TSPAN18: variants seen among roughly 807,000 people sequenced by gnomAD.
TSPAN18 encodes the protein tetraspanin 18.
In TSPAN18, 14 loss-of-function variants were observed where a neutral mutation model predicts 27.3. The observed-to-expected ratio is 0.51, with a 90% CI of 0.34 to 0.80. TSPAN18 has a LOEUF of 0.80. Among genes scored for constraint, TSPAN18 ranks in the 30% least tolerant of loss-of-function variants. TSPAN18 has a pLI of 0.01. For synonymous variants in TSPAN18, 143 were observed against 136.5 expected, an observed-to-expected ratio of 1.05 and a Z score of -0.33; for missense variants, 268 against 323.9, an observed-to-expected ratio of 0.83 and a Z score of 1.32.
chr11:44,866,316 A>T (rs1176624416), intron 3 of TSPAN18, among the ~76,000 whole-genome samples: 1 of 152,200 alleles, frequency 6.6e-6, no homozygotes, highest in Non-Finnish European at 1.5e-5. Flanking sequence ...TTTGAAAGAC[A>T]TTCAATCCCA....
chr11:44,822,780 A>G (rs1303313445), intron 2 of TSPAN18, among the ~76,000 whole-genome samples: 1 of 152,014 alleles, frequency 6.6e-6, no homozygotes, highest in Non-Finnish European at 1.5e-5. Flanking sequence ...GAAGACCAGG[A>G]CCCTGCTTCT....
intron 1 of TSPAN18, among the ~76,000 whole-genome samples, chr11:44,741,048 A>T (rs1284660818): frequency 6.6e-6 from 1 of 152,176 alleles, no homozygotes; most frequent in Non-Finnish European, 1.5e-5. Context: ...TTTTAACTCC[A>T]GAGCCTCTGG....
In TSPAN18 at chr11:44,926,890, G is replaced by C; in HGVS notation, c.699+133G>C. On this transcript the variant is annotated intron_variant, in intron 9 of 9. Transcript: ENST00000520358. ...AAGGGGCCCCCACTGTGGGTGCTAT[G>C]GGGTGGTAAGCCCGGCTGTGTCTGT... 4 of 852,016 alleles carry C rather than the reference G, an allele frequency of 4.7e-6. No homozygotes were observed. In the South Asian group the frequency reaches 6.0e-5, roughly 13 times the overall value. The allele number at this position is 852,016 out of a possible 1,614,324, so 52.8% of individuals were successfully genotyped here. A position where few individuals can be genotyped will look rare whatever the true frequency, so the allele number is the denominator to read the frequency against.
At chr11:44,800,385 T>C (rs1466758525) in intron 2 of TSPAN18, among the ~76,000 whole-genome samples, 1 of 152,188 alleles carries the variant, frequency 6.6e-6, no homozygotes, top group Non-Finnish European at 1.5e-5. Flanking sequence ...GAGCCTCTTC[T>C]GCCTCACTTA....
At position 44,775,640 on chromosome 11, in the gene TSPAN18, GGCT is replaced by G. The variant is rs369609008; in HGVS notation, c.-153+11132_-153+11134del. On this transcript the variant is annotated intron_variant, in intron 2 of 9. Coordinates refer to ENST00000520358, the MANE Select transcript of TSPAN18 (RefSeq NM_130783.5). ...ATTTGCACTCCTCTTGGGCCTCTGG[GGCT>G]GCTTTCTCCAGCGTCCGCCAGCATC... 2.7e-4 allele frequency among the ~76,000 whole-genome samples: 41 copies of G among 152,240 alleles called. 1 individual carries two copies. In the East Asian group the frequency reaches 4.8e-3, roughly 18 times the overall value.
At chr11:44,741,416 A>G (rs1854929131) in intron 1 of TSPAN18, among the ~76,000 whole-genome samples, 1 of 151,676 alleles carries the variant, frequency 6.6e-6, no homozygotes, top group African/African-American at 2.4e-5. Flanking sequence ...AGCCACTCAC[A>G]AAGGTCTATT....
At chr11:44,755,356 C>A (rs1020668805) in intron 1 of TSPAN18, among the ~76,000 whole-genome samples, 4 of 152,098 alleles carry the variant, frequency 2.6e-5, no homozygotes, top group Admixed American at 6.5e-5. Flanking sequence ...CCCTGAGGCA[C>A]AATTAACCAG....
At chr11:44,734,924 G>T (rs1314746634) in intron 1 of TSPAN18, among the ~76,000 whole-genome samples, 2 of 152,198 alleles carry the variant, frequency 1.3e-5, no homozygotes, top group Non-Finnish European at 2.9e-5. Context: ...TCATTGGTTG[G>T]TGTCTTAGCC....
intron 2 of TSPAN18, among the ~76,000 whole-genome samples, chr11:44,778,489 G>T (rs1346888152): frequency 6.6e-6 from 1 of 152,124 alleles, no homozygotes; most frequent in South Asian, 2.1e-4. Context: ...TAGAAGGAAG[G>T]TGAAGGGCCT....
chr11:44,799,000 CT>C (rs1856414294), intron 2 of TSPAN18, among the ~76,000 whole-genome samples: 1 of 142,612 alleles, frequency 7.0e-6, no homozygotes, highest in Non-Finnish European at 1.5e-5. Context: ...GCCTTTGTGA[CT>C]TTTTGTGTCA....
intron 2 of TSPAN18, among the ~76,000 whole-genome samples, chr11:44,780,336 A>G (rs1855909650): frequency 6.6e-6 from 1 of 152,252 alleles, no homozygotes; most frequent in South Asian, 2.1e-4. Context: ...CCTGGATGCC[A>G]AGCCCAGCAG....
intron 2 of TSPAN18, among the ~76,000 whole-genome samples, chr11:44,821,662 C>A (rs887862895): frequency 1.3e-5 from 2 of 152,172 alleles, no homozygotes; most frequent in Non-Finnish European, 2.9e-5. Context: ...ATATACTTGA[C>A]CCTACTTGGA....
intron 2 of TSPAN18, among the ~76,000 whole-genome samples, chr11:44,775,602 G>T (rs78964124): frequency 0.14 from 20,630 of 151,924 alleles, 1,883 homozygotes; most frequent in Middle Eastern, 0.22. Flanking sequence ...AGTGGCGGGG[G>T]TGGGAGGTGT....
intron 2 of TSPAN18, among the ~76,000 whole-genome samples, chr11:44,814,651 AATCCATCC>A (rs545778262): frequency 6.8e-6 from 1 of 146,550 alleles, no homozygotes; most frequent in African/African-American, 2.6e-5. Flanking sequence ...TTGGTGGTAG[AATCCATCC>A]ATCCATCCAT....
At chr11:44,795,174 G>C (rs1236446113) in intron 2 of TSPAN18, among the ~76,000 whole-genome samples, 1 of 149,480 alleles carries the variant, frequency 6.7e-6, no homozygotes, top group African/African-American at 2.5e-5. Context: ...TTACCACCTG[G>C]GCTCCTTCAA....
intron 3 of TSPAN18, among the ~76,000 whole-genome samples, chr11:44,868,968 C>T (rs1426237996): frequency 6.6e-6 from 1 of 152,244 alleles, no homozygotes. Flanking sequence ...ACATTAGCCC[C>T]AACCCACAAT....
intron 1 of TSPAN18, among the ~76,000 whole-genome samples, chr11:44,759,218 T>C (rs1855396504): frequency 1.3e-5 from 2 of 152,232 alleles, no homozygotes; most frequent in Non-Finnish European, 2.9e-5. Context: ...CTTGTGGCAC[T>C]GTTTAATTCT....
At chr11:44,818,228 G>A (rs909866487) in intron 2 of TSPAN18, among the ~76,000 whole-genome samples, 16 of 152,216 alleles carry the variant, frequency 1.1e-4, no homozygotes, top group Non-Finnish European at 8.8e-5. Flanking sequence ...AGAACTGACG[G>A]TGAATGGCAG....
At chr11:44,901,341 T>C (rs538249683) in intron 3 of TSPAN18, 1 of 152,366 alleles carries the variant, frequency 6.6e-6, no homozygotes, top group African/African-American at 2.4e-5. Flanking sequence ...TGGTACACAA[T>C]AAATACAGGT....
Sources: allele counts gnomAD v4.1 joint callset (sites outside exome capture counted in the v4.1 genomes callset), GRCh38; gene constraint gnomAD v4.1.1; transcripts MANE v1.5; gene names NCBI Gene and HGNC (gene_info 2026-07-23, HGNC 2026-07-21).